Variants in DPP6 observed in about 807,000 individuals in gnomAD.
The protein encoded by DPP6 is A-type potassium channel modulatory protein DPP6.
Under a neutral mutation model 122.6 loss-of-function variants are expected in DPP6, and 69 were observed. That is an observed-to-expected ratio of 0.56 (90% confidence interval 0.46 to 0.69). The LOEUF (loss-of-function observed/expected upper bound fraction) is 0.69. DPP6 is among the 30% of genes least tolerant of loss of function. The probability of loss-of-function intolerance (pLI) is 0.00; values close to 1 mark genes in which losing one functional copy is unlikely to be tolerated. For synonymous variants in DPP6, 418 were observed against 433.1 expected (o/e 0.97, Z 0.43); for missense variants, 928 against 1,116.9 (o/e 0.83, Z 2.41).
At chr7:154,820,780 T>C (rs1053126118) in intron 16 of DPP6, among the ~76,000 whole-genome samples, 1 of 152,074 alleles carries the variant, frequency 6.6e-6, no homozygotes, top group African/African-American at 2.4e-5. Flanking sequence ...AATCAAGATA[T>C]GATGGAAAAA....
intron 1 of DPP6, among the ~76,000 whole-genome samples, chr7:154,271,306 G>T (rs1005937121): frequency 6.6e-6 from 1 of 152,066 alleles, no homozygotes; most frequent in East Asian, 1.9e-4. Flanking sequence ...ACTCAGAGGG[G>T]ACAAAAATGA....
chr7:154,422,782 G>A (rs1023800301), intron 1 of DPP6, among the ~76,000 whole-genome samples: 3 of 151,998 alleles, frequency 2.0e-5, no homozygotes, highest in Non-Finnish European at 2.9e-5. Context: ...AGTTAGGATT[G>A]CTACCTTTAA....
chr7:154,378,708 G>A (rs973053837), intron 1 of DPP6, among the ~76,000 whole-genome samples: 1 of 152,192 alleles, frequency 6.6e-6, no homozygotes, highest in African/African-American at 2.4e-5. Context: ...CTGTCATAAA[G>A]AACTACCTGA....
intron 8 of DPP6, among the ~76,000 whole-genome samples, chr7:154,730,803 A>C (rs918092738): frequency 6.6e-6 from 1 of 152,246 alleles, no homozygotes; most frequent in Admixed American, 6.5e-5. Flanking sequence ...AATCTCCCTC[A>C]AAAATCCATA....
chr7:154,693,148 A>G (rs1190960483), intron 7 of DPP6, among the ~76,000 whole-genome samples: 1 of 152,042 alleles, frequency 6.6e-6, no homozygotes, highest in Non-Finnish European at 1.5e-5. Flanking sequence ...CTTTTTAAGG[A>G]TTAAAGAGTG....
chr7:154,511,002 C>T (rs1344073195), intron 3 of DPP6, among the ~76,000 whole-genome samples: 2 of 149,776 alleles, frequency 1.3e-5, no homozygotes, highest in African/African-American at 4.9e-5. Context: ...AAAGATAGAC[C>T]CTGGCGTGGA....
intron 1 of DPP6, among the ~76,000 whole-genome samples, chr7:154,228,947 T>G (rs768881141): frequency 1.1e-4 from 17 of 152,154 alleles, no homozygotes; most frequent in South Asian, 2.1e-4. Context: ...TGGAGCCAAA[T>G]CAGTATGGTA....
chr7:153,827,411 C>A, the DPP6 span, among the ~76,000 whole-genome samples: 1 of 152,032 alleles, frequency 6.6e-6, no homozygotes, highest in African/African-American at 2.4e-5. Context: ...GGGCATTACA[C>A]GTAAAACAAA....
intron 1 of DPP6, among the ~76,000 whole-genome samples, chr7:154,321,777 T>C (rs1303121243): frequency 8.2e-6 from 1 of 121,876 alleles, no homozygotes; most frequent in Non-Finnish European, 1.6e-5. Flanking sequence ...AGAGCAAGAC[T>C]CTGTCTCAAA....
intron 1 of DPP6, among the ~76,000 whole-genome samples, chr7:154,156,545 T>G (rs1796690514): frequency 5.9e-5 from 9 of 152,220 alleles, no homozygotes; most frequent in Admixed American, 5.9e-4. Flanking sequence ...TGGTAAGATG[T>G]GATCAGAAGA....
intron 1 of DPP6, among the ~76,000 whole-genome samples, chr7:154,252,510 T>C (rs1316628712): frequency 6.6e-6 from 1 of 152,192 alleles, no homozygotes; most frequent in African/African-American, 2.4e-5. Flanking sequence ...TTCTCACCCC[T>C]GGGCAGACTG....
chr7:154,218,716 C>T (rs976001880), intron 1 of DPP6, among the ~76,000 whole-genome samples: 3 of 152,226 alleles, frequency 2.0e-5, no homozygotes, highest in African/African-American at 4.8e-5. Flanking sequence ...TGCTCAGAAA[C>T]TATCTTTCAG....
chr7:154,508,966 A>G (rs989971427), intron 3 of DPP6, among the ~76,000 whole-genome samples: 10 of 152,218 alleles, frequency 6.6e-5, no homozygotes, highest in African/African-American at 2.4e-4. Flanking sequence ...ACCTCACACC[A>G]TAGATAAAAA....
chr7:154,089,049 T>G (rs1046202871), intron 1 of DPP6, among the ~76,000 whole-genome samples: 1 of 152,006 alleles, frequency 6.6e-6, no homozygotes, highest in African/African-American at 2.4e-5. Context: ...GAGTGAGAAG[T>G]AGTTGAAAAC....
At chr7:154,847,051 T>A (rs1310853795) in intron 16 of DPP6, among the ~76,000 whole-genome samples, 1 of 152,234 alleles carries the variant, frequency 6.6e-6, no homozygotes, top group Non-Finnish European at 1.5e-5. Flanking sequence ...AACAATCTTC[T>A]GCCTGCCTTC....
intron 16 of DPP6, among the ~76,000 whole-genome samples, chr7:154,818,638 TA>T (rs1799567244): frequency 2.0e-5 from 3 of 152,246 alleles, no homozygotes; most frequent in Non-Finnish European, 4.4e-5. Flanking sequence ...ACAAACTAGT[TA>T]ATCCTCTAGA....
At chr7:153,934,049 G>A (rs1321472143) in intron 1 of DPP6, among the ~76,000 whole-genome samples, 1 of 152,182 alleles carries the variant, frequency 6.6e-6, no homozygotes, top group Non-Finnish European at 1.5e-5. Flanking sequence ...TTACTTTCTG[G>A]GCCTTTGCAG....
intron 18 of DPP6, among the ~76,000 whole-genome samples, chr7:154,868,842 G>A (rs1804118170): frequency 2.0e-5 from 3 of 152,298 alleles, no homozygotes; most frequent in Middle Eastern, 3.4e-3. Flanking sequence ...GGATTTCACT[G>A]TCTTCCCCCA....
intron 1 of DPP6, among the ~76,000 whole-genome samples, chr7:154,269,709 C>A (rs1803666805): frequency 6.6e-6 from 1 of 152,154 alleles, no homozygotes; most frequent in Admixed American, 6.5e-5. Context: ...AGATTTTCTA[C>A]CTTATAGATC....
Sources: allele counts gnomAD v4.1 joint callset (sites outside exome capture counted in the v4.1 genomes callset), GRCh38; gene constraint gnomAD v4.1.1; transcripts MANE v1.5; gene names NCBI Gene and HGNC (gene_info 2026-07-23, HGNC 2026-07-21).